The following EPC2 variants were observed in gnomAD, a reference collection of about 807,000 sequenced individuals.
EPC2 encodes enhancer of polycomb 2.
Under a neutral mutation model 92.1 loss-of-function variants are expected in EPC2, and 14 were observed. That is an observed-to-expected ratio of 0.15 (90% CI 0.10 to 0.24). The LOEUF (loss-of-function observed/expected upper bound fraction) is 0.24, where lower values mean the gene tolerates loss of function less well. EPC2 is among the 10% of genes least tolerant of loss of function. The pLI is 1.00. For missense variants in EPC2, 755 were observed against 971.5 expected, an observed-to-expected ratio of 0.78 and a Z score of 2.96; for synonymous variants, 340 against 334.7, an observed-to-expected ratio of 1.02 and a Z score of -0.17.
At chr2:148,701,721 G>T (rs1681890733) in intron 2 of EPC2, among the ~76,000 whole-genome samples, 1 of 152,102 alleles carries the variant, frequency 6.6e-6, no homozygotes, top group South Asian at 2.1e-4. Context: ...TCTGCTTTAG[G>T]ATTGGGGTGA....
intron 7 of EPC2, among the ~76,000 whole-genome samples, chr2:148,767,947 A>G (rs1347137930): frequency 6.6e-6 from 1 of 152,158 alleles, no homozygotes; most frequent in African/African-American, 2.4e-5. Context: ...TTTCCTTTCA[A>G]ATTTCAGGTT....
chr2:148,775,099 AAAAAAG>A (rs1338050014), intron 10 of EPC2, among the ~76,000 whole-genome samples: 136 of 152,032 alleles, frequency 8.9e-4, no homozygotes, highest in African/African-American at 3.0e-3. Flanking sequence ...AAAAAAAAAA[AAAAAAG>A]AAAAGAAAAA....
intron 2 of EPC2, among the ~76,000 whole-genome samples, chr2:148,728,829 G>A (rs1011335872): frequency 3.3e-5 from 5 of 151,166 alleles, no homozygotes; most frequent in Non-Finnish European, 7.4e-5. Flanking sequence ...TCGGGAGATC[G>A]AGACCATCCT....
At chr2:148,653,762 A>G (rs1680733616) in intron 1 of EPC2, among the ~76,000 whole-genome samples, 1 of 149,422 alleles carries the variant, frequency 6.7e-6, no homozygotes, top group Non-Finnish European at 1.5e-5. Context: ...GGAGTCAACA[A>G]GCAGCATTCA....
At chr2:148,649,385 T>C (rs532197107) in intron 1 of EPC2, among the ~76,000 whole-genome samples, 2 of 152,350 alleles carry the variant, frequency 1.3e-5, no homozygotes, top group African/African-American at 4.8e-5. Context: ...TGATTTGTTT[T>C]GTTTTACTGT....
chr2:148,649,970 C>T (rs1234199769), intron 1 of EPC2, among the ~76,000 whole-genome samples: 1 of 152,112 alleles, frequency 6.6e-6, no homozygotes, highest in Non-Finnish European at 1.5e-5. Context: ...TTTTTCTTAG[C>T]AGTTTGTGAA....
intron 10 of EPC2, among the ~76,000 whole-genome samples, chr2:148,775,301 A>G (rs1001927888): frequency 6.6e-6 from 1 of 152,122 alleles, no homozygotes; most frequent in Non-Finnish European, 1.5e-5. Flanking sequence ...AAGGAACTTA[A>G]TTAATAGCAC....
At chr2:148,645,364 T>G in intron 1 of EPC2, 194 bp downstream of exon 1, 1 of 540,820 alleles carries the variant, frequency 1.8e-6, no homozygotes. Flanking sequence ...CGCCATGTTG[T>G]TGCGTCCCAG....
intron 2 of EPC2, among the ~76,000 whole-genome samples, chr2:148,741,530 C>T (rs1373156031): frequency 6.6e-6 from 1 of 152,104 alleles, no homozygotes; most frequent in Non-Finnish European, 1.5e-5. Context: ...TAATTATATA[C>T]ATCTGTTCCT....
chr2:148,693,504 G>A (rs1681682418), intron 2 of EPC2, among the ~76,000 whole-genome samples: 1 of 152,144 alleles, frequency 6.6e-6, no homozygotes, highest in Non-Finnish European at 1.5e-5. Context: ...TGCCTGTCTA[G>A]CCATGTTTCC....
chr2:148,752,378 A>C (rs1346359017), intron 3 of EPC2, among the ~76,000 whole-genome samples: 1 of 152,142 alleles, frequency 6.6e-6, no homozygotes, highest in Non-Finnish European at 1.5e-5. Flanking sequence ...TTCTTATTCT[A>C]CCACTGTTGT....
intron 3 of EPC2, among the ~76,000 whole-genome samples, chr2:148,752,727 A>G (rs766123934): frequency 6.6e-6 from 1 of 152,188 alleles, no homozygotes; most frequent in Non-Finnish European, 1.5e-5. Flanking sequence ...AATTAATTCT[A>G]GAAATAATCA....
intron 2 of EPC2, among the ~76,000 whole-genome samples, chr2:148,735,059 A>G (rs749460464): frequency 3.3e-5 from 5 of 151,856 alleles, no homozygotes; most frequent in Non-Finnish European, 5.9e-5. Context: ...CAGTTTTCCT[A>G]TTCTTATTGA....
At chr2:148,731,957 C>T (rs894940871) in intron 2 of EPC2, among the ~76,000 whole-genome samples, 1 of 152,146 alleles carries the variant, frequency 6.6e-6, no homozygotes, top group Non-Finnish European at 1.5e-5. Flanking sequence ...AAGTACTGAG[C>T]TCATTGTTCA....
intron 2 of EPC2, among the ~76,000 whole-genome samples, chr2:148,726,765 G>GTTTTTTTTTTTTTTTTCTTTTTTTTT (rs201293391): frequency 9.9e-6 from 1 of 100,608 alleles, no homozygotes; most frequent in Non-Finnish European, 2.0e-5. Context: ...TTTGTTTTTT[G>GTTTTTTTTTTTTTTTTCTTTTTTTTT]TTTTTTTTTT....
rs763560365 is a variant in EPC2, at chr2:148,784,787, T to G, written c.2137T>G (p.Cys713Gly). ...TACAAACCACTTAATCCCAGCATTG[T>G]GCACAAGCAGTCCTCAGACACTTCC... Reference protein sequence around the residue: ...TTTNHLIPALCTSSPQTLPMN... With the variant: ...TTTNHLIPALGTSSPQTLPMN... The change falls in exon 13 of 14, where the codon TGC becomes GGC. Residue 713 changes from cysteine to glycine, a missense_variant. This residue lies in a region of EPC2 where 207 missense variants were observed against 260.5 expected (regional missense o/e 0.79). Transcript: ENST00000258484. 7 of 1,614,036 alleles carry G rather than the reference T, an allele frequency of 4.3e-6. No individual in the cohort carries two copies. The East Asian group carries it at 1.6e-4, about 36-fold the overall frequency.
chr2:148,693,903 T>C (rs1193804842), intron 2 of EPC2, among the ~76,000 whole-genome samples: 1 of 152,202 alleles, frequency 6.6e-6, no homozygotes, highest in Admixed American at 6.5e-5. Flanking sequence ...GTCCAGTGCG[T>C]ACTTTCGTTG....
intron 2 of EPC2, among the ~76,000 whole-genome samples, chr2:148,729,085 A>G (rs1432802417): frequency 7.0e-6 from 1 of 141,974 alleles, no homozygotes; most frequent in African/African-American, 2.5e-5. Flanking sequence ...TCTTTTTGTT[A>G]CATATTATAA....
At chr2:148,710,200 A>G (rs1396155453) in intron 2 of EPC2, among the ~76,000 whole-genome samples, 2 of 152,258 alleles carry the variant, frequency 1.3e-5, no homozygotes, top group African/African-American at 4.8e-5. Context: ...ATATGAACAG[A>G]CACTTTTCAA....
Sources: gnomAD v4.1 joint callset for allele counts (sites outside exome capture counted in the v4.1 genomes callset) on GRCh38, gnomAD v4.1.1 for gene constraint, gnomAD v4.1.1 regional missense constraint, MANE v1.5 for transcripts, NCBI Gene and HGNC (gene_info 2026-07-23, HGNC 2026-07-21) for gene names.